The following NIT1 variants were observed in gnomAD, a reference collection of about 807,000 sequenced individuals.
NIT1 encodes the protein deaminated glutathione amidase.
Under a neutral mutation model 36.8 loss-of-function variants are expected in NIT1, and 30 were observed. The ratio of observed to expected loss-of-function variants is 0.82; its 90% CI spans 0.61 to 1.11. The LOEUF is 1.11. Ranked by LOEUF, NIT1 falls within the 50% of genes least tolerant of loss-of-function variation. The pLI is 0.00. For missense variants in NIT1, 438 were observed against 410.6 expected, an observed-to-expected ratio of 1.07 and a Z score of -0.58; for synonymous variants, 151 against 155.6, an observed-to-expected ratio of 0.97 and a Z score of 0.22.
chr1:161,123,132 T>C, downstream of NIT1: 1 of 1,614,204 alleles, frequency 6.2e-7, no homozygotes, highest in Non-Finnish European at 8.5e-7. Context: ...TTTCGCTGGC[T>C]CCCAAGTGTG....
At position 161,119,322 on chromosome 1, in the gene NIT1, CAG is replaced by C. The variant is rs1655159125; in HGVS notation, c.291_292del (p.Glu97AspfsTer6). On this transcript the variant is annotated frameshift_variant, in exon 3 of 7. Transcript: ENST00000368009. LOFTEE classifies it high-confidence loss of function. ...TTTGACTTCATTGCACGGGACCCTG[CAG>C]AGACGCTACACCTGTCTGAACCACT... The C allele has an allele frequency of 6.2e-7, 1 of 1,614,220 alleles. No homozygotes were observed. The highest frequency in any genetic ancestry group is 8.5e-7 in the Non-Finnish European group (1 of 1,180,034).
chr1:161,119,711 T>C (rs1655228393), intron 4 of NIT1, 99 bp downstream of exon 4: 1 of 1,584,264 alleles, frequency 6.3e-7, no homozygotes, highest in Non-Finnish European at 8.6e-7. Flanking sequence ...CCCAAGGATT[T>C]AGGGGTGGTC....
chr1:161,118,972 A>G (rs1482753060), intron 2 of NIT1, 91 bp downstream of exon 2: 2 of 1,335,072 alleles, frequency 1.5e-6, no homozygotes, highest in Non-Finnish European at 2.2e-6. Flanking sequence ...TCAACTATCC[A>G]CACATTTGAT....
chr1:161,125,217 T>C (rs1374887643), downstream of NIT1: 1 of 152,192 alleles, frequency 6.6e-6, no homozygotes, highest in African/African-American at 2.4e-5. Flanking sequence ...TGAATGAATA[T>C]ACACCTCAGA....
chr1:161,118,202 C>A, intron 1 of NIT1, 24 bp downstream of exon 1: 1 of 1,614,082 alleles, frequency 6.2e-7, no homozygotes, highest in Non-Finnish European at 8.5e-7. Context: ...CCTATCCCGT[C>A]GGCCGCGGTG....
chr1:161,121,026 C>T lies in NIT1; in HGVS notation c.*261C>T. 7.4e-7 allele frequency: 1 copy of T among 1,352,352 alleles called. No individual in the cohort carries two copies. The highest frequency in any genetic ancestry group is 9.5e-7 in the Non-Finnish European group (1 of 1,050,938). The allele number at this position is 1,352,352 out of a possible 1,614,324, so 83.8% of individuals were successfully genotyped here. ...ATGGAAACTGAAGTTCTGCTGAGGG[C>T]TGAGCAGCACTGGCATTGAAAAATA... On this transcript the variant is annotated 3_prime_UTR_variant, in exon 7 of 7. Coordinates refer to ENST00000368009, the MANE Select transcript of NIT1 (RefSeq NM_005600.3).
In NIT1 at chr1:161,119,544, A is replaced by G. The variant is rs1655193409; in HGVS notation, c.389A>G (p.His130Arg). ...CTCTGGCTGTCCTTGGGTGGTTTCC[A>G]TGAGCGTGGCCAAGACTGGGAGCAG... Reference protein sequence around the residue: ...CGLWLSLGGFHERGQDWEQTQ... With the variant: ...CGLWLSLGGFRERGQDWEQTQ... Residue 130 changes from histidine to arginine, a missense_variant, in exon 4 of 7, where the codon CAT (histidine) becomes CGT (arginine). Transcript: ENST00000368009. The G allele has an allele frequency of 6.2e-7, 1 of 1,614,074 alleles. No homozygotes were observed.
chr1:161,119,189 T>A lies in NIT1; in HGVS notation c.154T>A (p.Cys52Ser), dbSNP rs768683711. 7.4e-6 allele frequency: 12 copies of A among 1,614,196 alleles called. No individual in the cohort carries two copies. The highest frequency in any genetic ancestry group is 1.7e-4 in the Middle Eastern group (1 of 6,036). The change falls in exon 3 of 7, where the codon TGC (cysteine) becomes AGC (serine). Residue 52 changes from cysteine (C) to serine (S), a missense_variant. Physicochemically the swap from Cys to Ser is moderately radical, Grantham distance 112 (BLOSUM62 -1). Transcript: ENST00000368009. ...CTGCGAACTGCCCCTGGTGGCTGTG[T>A]GCCAGGTAACATCGACGCCAGACAA... ...SSCELPLVAV[C>S]QVTSTPDKQQ...
downstream of NIT1, chr1:161,123,357 A>T: frequency 1.1e-6 from 1 of 888,886 alleles, no homozygotes; most frequent in Non-Finnish European, 1.7e-6. Flanking sequence ...AAGACATGTG[A>T]GACCAGGTGC....
At chr1:161,122,649 C>G, downstream of NIT1, 1 of 1,227,060 alleles carries the variant, frequency 8.1e-7, no homozygotes, top group East Asian at 2.4e-5. The surrounding 1 kb of genome is among the most constrained non-coding windows in gnomAD (Gnocchi z 4.2). Context: ...AGCTTCTCTA[C>G]CTCTTCCCCA....
chr1:161,118,645 C>A (rs1195752651), intron 1 of NIT1, 141 bp from the exon 2 acceptor site: 20 of 1,521,258 alleles, frequency 1.3e-5, no homozygotes, highest in African/African-American at 1.4e-5. Context: ...CCTATAATTT[C>A]TTATAAAGAG....
Position 161,118,169 on chromosome 1 carries a change from A to G in NIT1, c.-8A>G, listed in dbSNP as rs369706655. 62 of 1,613,902 alleles carry G rather than the reference A, an allele frequency of 3.8e-5. No individual in the cohort carries two copies. The Admixed American group carries it at 5.8e-4, about 15-fold the overall frequency. On this transcript the variant is annotated 5_prime_UTR_variant, in exon 1 of 7. Transcript: ENST00000368009. Reference sequence around the variant, plus strand: ...TCGGACCCTGCGAATGGTTTTGGCTATATCTTCATGTAGGACCTACTCCCT... The same window carrying G: ...TCGGACCCTGCGAATGGTTTTGGCTGTATCTTCATGTAGGACCTACTCCCT...
chr1:161,123,055 G>C, downstream of NIT1: 2 of 1,614,138 alleles, frequency 1.2e-6, no homozygotes, highest in Non-Finnish European at 1.7e-6. Flanking sequence ...TCCATCTCTG[G>C]AACCCTTGAA....
rs767668880 is a variant in NIT1, at chr1:161,119,583, A to C, written c.428A>C (p.Tyr143Ser). Reference protein sequence around the residue: ...GQDWEQTQKIYNCHVLLNSKG... With the variant: ...GQDWEQTQKISNCHVLLNSKG... ...GACTGGGAGCAGACTCAGAAAATCT[A>C]CAATTGTCACGTGCTGCTGAACAGC... The change falls in exon 4 of 7, where the codon TAC becomes TCC. Residue 143 changes from tyrosine (Y) to serine (S), a missense_variant. Tyr to Ser is a moderately radical substitution (Grantham distance 144, BLOSUM62 -2). Transcript: ENST00000368009. The C allele has an allele frequency of 6.2e-7, 1 of 1,614,140 alleles. No individual in the cohort carries two copies. The highest frequency in any genetic ancestry group is 1.1e-5 in the South Asian group (1 of 91,086).
chr1:161,120,634 T>C lies in NIT1; in HGVS notation c.853T>C (p.Cys285Arg). Residue 285 changes from cysteine (C) to arginine (R), a missense_variant, in exon 7 of 7, where the codon TGC becomes CGC. Coordinates refer to ENST00000368009, the MANE Select transcript of NIT1 (RefSeq NM_005600.3). ...VDPWGTVVAR[C>R]SEGPGLCLAR... is the part of the protein sequence containing the mutation. ...CCCCTGGGGAACAGTGGTGGCCCGC[T>C]GCTCTGAGGGGCCAGGCCTCTGCCT... 1.2e-6 allele frequency: 2 copies of C among 1,614,216 alleles called. No individual in the cohort carries two copies. The highest frequency in any genetic ancestry group is 1.7e-6 in the Non-Finnish European group (2 of 1,180,034).
chr1:161,118,976 A>G (rs1232922555), intron 2 of NIT1, 95 bp downstream of exon 2: 24 of 1,331,006 alleles, frequency 1.8e-5, no homozygotes, highest in Non-Finnish European at 2.6e-5. Flanking sequence ...CTATCCACAC[A>G]TTTGATTGGT....
chr1:161,119,284 C>T lies in NIT1; in HGVS notation c.249C>T (p.Phe83=), dbSNP rs747201695. The T allele has an allele frequency of 8.7e-6, 14 of 1,614,108 alleles. No homozygotes were observed. In the South Asian group the frequency reaches 1.4e-4, roughly 16 times the overall value. Residue 83 remains phenylalanine (F), a synonymous_variant, in exon 3 of 7, where the codon TTC becomes TTT. Transcript: ENST00000368009. ...EAARLGACLA[F]LPEAFDFIAR... is the part of the protein sequence containing the mutation. ...CCAGACTGGGTGCCTGCCTGGCTTT[C>T]CTGCCTGAGGCATTTGACTTCATTG...
downstream of NIT1, chr1:161,122,104 G>A (rs1261661025): frequency 3.7e-6 from 6 of 1,602,992 alleles, no homozygotes; most frequent in African/African-American, 2.7e-5. The surrounding 1 kb of genome is among the most constrained non-coding windows in gnomAD (Gnocchi z 4.2). Flanking sequence ...AGCTCCAGAG[G>A]TGGGTGATGG....
intron 1 of NIT1, 189 bp from the exon 2 acceptor site, chr1:161,118,597 C>T (rs1239063912): frequency 1.3e-6 from 2 of 1,535,474 alleles, no homozygotes; most frequent in South Asian, 1.2e-5. Flanking sequence ...AGCAGAGCCC[C>T]TTTCTCCATC....
Sources: allele counts gnomAD v4.1 joint callset, GRCh38; gene constraint gnomAD v4.1.1; non-coding constraint Gnocchi (gnomAD v3.1); transcripts MANE v1.5; gene names NCBI Gene and HGNC (gene_info 2026-07-23, HGNC 2026-07-21).